The following ADAM7 variants were observed in gnomAD, a reference collection of about 807,000 sequenced individuals.
The protein encoded by ADAM7 is ADAM metallopeptidase domain 7.
A neutral mutation model predicts 102.9 loss-of-function variants in ADAM7; 97 were observed. The ratio of observed to expected loss-of-function variants is 0.94; its 90% CI spans 0.80 to 1.12. ADAM7 has a LOEUF of 1.12. ADAM7 is among the 50% of genes most tolerant of loss of function. The pLI is 0.00. For missense variants in ADAM7, 991 were observed against 908.7 expected (o/e 1.09, Z -1.16); for synonymous variants, 334 against 304.4 (o/e 1.10, Z -1.01).
intron 3 of ADAM7, among the ~76,000 whole-genome samples, chr8:24,457,315 A>T (rs555178010): frequency 4.8e-4 from 73 of 151,868 alleles, no homozygotes; most frequent in African/African-American, 1.6e-3. Context: ...TCACTCTGTC[A>T]TCTAGGCTGG....
intron 7 of ADAM7, chr8:24,475,807 C>G (rs1819749348): frequency 5.2e-6 from 2 of 385,392 alleles, no homozygotes; most frequent in Non-Finnish European, 1.0e-5. Flanking sequence ...TTGATCAGGT[C>G]TAAATTGATA....
chr8:24,495,406 T>A (rs1820520332), intron 16 of ADAM7, among the ~76,000 whole-genome samples: 1 of 151,250 alleles, frequency 6.6e-6, no homozygotes, highest in African/African-American at 2.4e-5. Flanking sequence ...ATGAAAAAAA[T>A]AGAAGGTCTC....
At chr8:24,451,727 T>G (rs1327951015) in intron 3 of ADAM7, among the ~76,000 whole-genome samples, 2 of 151,292 alleles carry the variant, frequency 1.3e-5, no homozygotes, top group East Asian at 3.9e-4. Flanking sequence ...TTCTAGTTCT[T>G]TTAATTGTGA....
chr8:24,458,474 AT>A (rs1819121464), intron 3 of ADAM7, among the ~76,000 whole-genome samples: 5 of 152,190 alleles, frequency 3.3e-5, no homozygotes, highest in Non-Finnish European at 7.4e-5. Context: ...TGTCTACAAT[AT>A]AAAAGCAAAA....
At chr8:24,460,090 T>A (rs182643465) in intron 3 of ADAM7, among the ~76,000 whole-genome samples, 2,092 of 151,820 alleles carry the variant, frequency 0.014, 51 homozygotes, top group African/African-American at 0.048. Context: ...TTGATTTTTT[T>A]AAAATGTATC....
intron 2 of ADAM7, among the ~76,000 whole-genome samples, chr8:24,445,297 C>G (rs1480214260): frequency 1.3e-5 from 2 of 152,266 alleles, no homozygotes; most frequent in African/African-American, 4.8e-5. Context: ...GATTCTGTGT[C>G]TTTATGATAA....
chr8:24,502,557 A>G (rs186803674), intron 20 of ADAM7, among the ~76,000 whole-genome samples: 8 of 152,184 alleles, frequency 5.3e-5, no homozygotes. Context: ...GAAAGGCAAC[A>G]TCAATGAAGA....
intron 3 of ADAM7, among the ~76,000 whole-genome samples, chr8:24,456,765 C>A (rs1819051007): frequency 1.3e-5 from 2 of 151,904 alleles, no homozygotes; most frequent in South Asian, 4.2e-4. Flanking sequence ...TTCATTCATG[C>A]TGCTGCATTT....
Position 24,442,516 on chromosome 8 carries a change from T to C in ADAM7, c.96T>C (p.Pro32=). The change falls in exon 2 of 22, where the codon CCT becomes CCC. Residue 32 remains proline (P), a synonymous_variant. Coordinates refer to ENST00000175238, the MANE Select transcript of ADAM7 (RefSeq NM_003817.4). ...TAGAGGGTCAACAACTGGTTCGTCC[T>C]AAAAAGCTTCCTCTGATACAGAAGC... ...LGVEGQQLVR[P]KKLPLIQKRD... is the part of the protein sequence containing the mutation. 3 of 1,614,136 alleles carry C rather than the reference T, an allele frequency of 1.9e-6. No homozygotes were observed. The highest frequency in any genetic ancestry group is 2.5e-6 in the Non-Finnish European group (3 of 1,180,018).
Position 24,500,787 on chromosome 8 carries a change from C to A in ADAM7, c.2003-3C>A. 6.2e-7 allele frequency: 1 copy of A among 1,610,932 alleles called. No homozygotes were observed. The highest frequency in any genetic ancestry group is 8.5e-7 in the Non-Finnish European group (1 of 1,177,638). On this transcript the variant is annotated splice_region_variant and splice_polypyrimidine_tract_variant and intron_variant, in intron 18 of 21. Coordinates refer to ENST00000175238, the MANE Select transcript of ADAM7 (RefSeq NM_003817.4). Reference sequence around the variant, plus strand: ...ATGAAGCCCATGTTTCTTCATGTTGCAGATATCACCATCTTGGTTGTTGTG... The same window carrying A: ...ATGAAGCCCATGTTTCTTCATGTTGAAGATATCACCATCTTGGTTGTTGTG...
At chr8:24,457,286 C>T (rs1472353558) in intron 3 of ADAM7, among the ~76,000 whole-genome samples, 3 of 150,876 alleles carry the variant, frequency 2.0e-5, no homozygotes, top group Admixed American at 1.3e-4. Flanking sequence ...TTATTGAGTT[C>T]GAGGAGATTT....
chr8:24,468,304 C>G lies in ADAM7; in HGVS notation c.580-463C>G, dbSNP rs542095643. 3.3e-5 allele frequency among the ~76,000 whole-genome samples: 5 copies of G among 151,194 alleles called. No homozygotes were observed. In the East Asian group the frequency reaches 5.8e-4, roughly 18 times the overall value. On this transcript the variant is annotated intron_variant, in intron 6 of 21. Transcript: ENST00000175238. ...ACTCAGTAAATGAAAAAAAAAAAAC[C>G]TGAATGTTAAAGTATGTGTTTATGA...
At chr8:24,449,568 G>A (rs1818700372) in intron 3 of ADAM7, among the ~76,000 whole-genome samples, 2 of 152,118 alleles carry the variant, frequency 1.3e-5, no homozygotes, top group African/African-American at 4.8e-5. Flanking sequence ...CAGATATGCA[G>A]GTTGCGAAAA....
At chr8:24,484,673 A>G (rs188740127) in intron 9 of ADAM7, among the ~76,000 whole-genome samples, 70 of 152,210 alleles carry the variant, frequency 4.6e-4, no homozygotes, top group Non-Finnish European at 8.8e-5. Context: ...TGGTCTTGTA[A>G]GTGGTTTTAT....
At chr8:24,450,758 C>T (rs1486901629) in intron 3 of ADAM7, among the ~76,000 whole-genome samples, 2 of 151,904 alleles carry the variant, frequency 1.3e-5, no homozygotes, top group Non-Finnish European at 1.5e-5. Flanking sequence ...CCAGTTTTTG[C>T]CCATTCAGTA....
At chr8:24,484,701 G>A (rs1563389093) in intron 9 of ADAM7, among the ~76,000 whole-genome samples, 1 of 151,868 alleles carries the variant, frequency 6.6e-6, no homozygotes, top group East Asian at 1.9e-4. Context: ...TGAGGGCAGA[G>A]TAGACTAAAG....
Position 24,509,381 on chromosome 8 carries a change from G to T in ADAM7, c.*835G>T, listed in dbSNP as rs3173956. 653,646 of 984,966 alleles carry T rather than the reference G, an allele frequency of 0.66. 218,202 individuals are homozygous for T. Among genetic ancestry groups the T allele is most frequent in the African/African-American group, 0.74 (42,585 of 57,278 alleles). 61.0% of individuals were successfully genotyped at this position (984,966 alleles called of 1,614,324 possible). On this transcript the variant is annotated 3_prime_UTR_variant, in exon 22 of 22. Coordinates refer to ENST00000175238, the MANE Select transcript of ADAM7 (RefSeq NM_003817.4). ...TGGGATGGGGGATTACCCTGGGAAT[G>T]ATTTCAGCTGCTTCTTACACAGATG...
Position 24,476,413 on chromosome 8 carries a change from TATG to T in ADAM7, c.634-17_634-15del, listed in dbSNP as rs762516782. On this transcript the variant is annotated splice_polypyrimidine_tract_variant and intron_variant, in intron 7 of 21. Transcript: ENST00000175238. ...AACTCCTATTATTAATGAATATTAA[TATG>T]ATATTTATATTTCCAGTATCGCAGA... The T allele has an allele frequency of 7.1e-6, 11 of 1,548,658 alleles. No individual in the cohort carries two copies. Among genetic ancestry groups the T allele is most frequent in the Middle Eastern group, 4.0e-4 (2 of 4,982 alleles).
chr8:24,495,287 C>T (rs1049651142), intron 16 of ADAM7, among the ~76,000 whole-genome samples: 1 of 152,152 alleles, frequency 6.6e-6, no homozygotes, highest in African/African-American at 2.4e-5. Flanking sequence ...AAAAGACAAT[C>T]TCTAGATGCA....
Sources: gnomAD v4.1 joint callset for allele counts (sites outside exome capture counted in the v4.1 genomes callset) on GRCh38, gnomAD v4.1.1 for gene constraint, MANE v1.5 for transcripts, NCBI Gene and HGNC (gene_info 2026-07-23, HGNC 2026-07-21) for gene names.